Variants in FBXL7 observed in about 807,000 individuals in gnomAD.
FBXL7 encodes the protein F-box/LRR-repeat protein 7.
A neutral mutation model predicts 38.3 loss-of-function variants in FBXL7; 12 were observed. That is an observed-to-expected ratio of 0.31 (90% confidence interval 0.20 to 0.51). FBXL7 has a LOEUF of 0.51. FBXL7 is among the 20% of genes least tolerant of loss of function. The pLI is 0.98. For synonymous variants in FBXL7, 297 were observed against 300.9 expected, an observed-to-expected ratio of 0.99 and a Z score of 0.13; for missense variants, 567 against 676.4, an observed-to-expected ratio of 0.84 and a Z score of 1.79.
chr5:15,586,609 C>T (rs774618553), intron 1 of FBXL7, among the ~76,000 whole-genome samples: 4 of 152,116 alleles, frequency 2.6e-5, no homozygotes, highest in Non-Finnish European at 1.5e-5. Flanking sequence ...CAAAAAACTA[C>T]TCAGAATTCC....
intron 2 of FBXL7, among the ~76,000 whole-genome samples, chr5:15,865,590 T>C (rs1236194121): frequency 6.6e-6 from 1 of 152,120 alleles, no homozygotes; most frequent in Non-Finnish European, 1.5e-5. Flanking sequence ...CCCTCTCTCC[T>C]AATCCCTTTA....
At chr5:15,899,077 A>T (rs561900676) in intron 2 of FBXL7, among the ~76,000 whole-genome samples, 19 of 152,090 alleles carry the variant, frequency 1.2e-4, no homozygotes, top group East Asian at 3.9e-4. Flanking sequence ...ATATATATAT[A>T]TTTTTTGAGA....
chr5:15,691,186 C>G (rs1479638434), intron 2 of FBXL7, among the ~76,000 whole-genome samples: 1 of 152,170 alleles, frequency 6.6e-6, no homozygotes, highest in Non-Finnish European at 1.5e-5. Flanking sequence ...CACTGGAGTG[C>G]ACATCCCGCT....
chr5:15,536,329 G>T (rs1457281701), intron 1 of FBXL7, among the ~76,000 whole-genome samples: 2 of 152,230 alleles, frequency 1.3e-5, no homozygotes, highest in African/African-American at 4.8e-5. Context: ...CCAGACCCCA[G>T]AATGGTAGAT....
Position 15,609,710 on chromosome 5 carries a change from C to T in FBXL7, c.38-6273C>T, listed in dbSNP as rs147427565. The stretch of plus-strand genomic sequence containing the variant: ...CATGAAACCCAGGTGACTCCAGAAG[C>T]TGCAGCGAAGACTGCCCTGAGCTGG... On this transcript the variant is annotated intron_variant, in intron 1 of 3. Coordinates refer to ENST00000504595, the MANE Select transcript of FBXL7 (RefSeq NM_012304.5). Among the ~76,000 whole-genome samples, 278 of 152,296 alleles carry T rather than the reference C, an allele frequency of 1.8e-3. 2 individuals are homozygous for T. Among genetic ancestry groups the T allele is most frequent in the African/African-American group, 6.5e-3 (270 of 41,574 alleles).
chr5:15,579,103 A>G (rs1313994094), intron 1 of FBXL7, among the ~76,000 whole-genome samples: 1 of 152,204 alleles, frequency 6.6e-6, no homozygotes, highest in Non-Finnish European at 1.5e-5. Context: ...TCTTGGACTC[A>G]GTGCCTTTAG....
At chr5:15,557,352 C>T (rs1169511171) in intron 1 of FBXL7, among the ~76,000 whole-genome samples, 4 of 152,136 alleles carry the variant, frequency 2.6e-5, no homozygotes, top group Non-Finnish European at 5.9e-5. Context: ...AGAAGTGAGA[C>T]TGTAATATTA....
chr5:15,605,373 TAC>T (rs1422332693), intron 1 of FBXL7, among the ~76,000 whole-genome samples: 1 of 152,108 alleles, frequency 6.6e-6, no homozygotes, highest in African/African-American at 2.4e-5. Flanking sequence ...AAATATGGTA[TAC>T]ACACAGAGTA....
intron 2 of FBXL7, among the ~76,000 whole-genome samples, chr5:15,903,121 A>C (rs1445697811): frequency 6.6e-6 from 1 of 152,262 alleles, no homozygotes. Context: ...AGGCCATTTC[A>C]AAGTCGATAT....
intron 3 of FBXL7, among the ~76,000 whole-genome samples, chr5:15,930,474 T>C (rs1358926983): frequency 1.3e-5 from 2 of 152,242 alleles, no homozygotes; most frequent in African/African-American, 4.8e-5. Context: ...AGGCTGCAAG[T>C]AATTGTACCC....
At chr5:15,829,356 T>C (rs1466489154) in intron 2 of FBXL7, among the ~76,000 whole-genome samples, 1 of 152,170 alleles carries the variant, frequency 6.6e-6, no homozygotes, top group African/African-American at 2.4e-5. Context: ...ACTGCAAAAA[T>C]ACTATAGAAT....
chr5:15,768,479 C>T (rs1012091514), intron 2 of FBXL7, among the ~76,000 whole-genome samples: 2 of 150,694 alleles, frequency 1.3e-5, no homozygotes, highest in Admixed American at 1.3e-4. Flanking sequence ...CGCAGTGAGC[C>T]GAGATCATGC....
chr5:15,836,342 G>C (rs1738591339), intron 2 of FBXL7, among the ~76,000 whole-genome samples: 1 of 152,100 alleles, frequency 6.6e-6, no homozygotes, highest in South Asian at 2.1e-4. Context: ...TGAAAAATGA[G>C]ACAAATTATA....
At chr5:15,899,814 A>G (rs1741191822) in intron 2 of FBXL7, among the ~76,000 whole-genome samples, 1 of 152,120 alleles carries the variant, frequency 6.6e-6, no homozygotes, top group African/African-American at 2.4e-5. Flanking sequence ...AGAGCTTTCA[A>G]CAGACTTATT....
intron 2 of FBXL7, among the ~76,000 whole-genome samples, chr5:15,770,141 C>T (rs769097413): frequency 6.6e-6 from 1 of 152,086 alleles, no homozygotes; most frequent in Non-Finnish European, 1.5e-5. Context: ...CAGTATTTAG[C>T]GATTAAGTCA....
chr5:15,553,409 A>G (rs1156978665), intron 1 of FBXL7, among the ~76,000 whole-genome samples: 7 of 152,312 alleles, frequency 4.6e-5, no homozygotes, highest in Non-Finnish European at 8.8e-5. Context: ...TGTATCTTCA[A>G]CTTCTCCAGT....
chr5:15,820,630 T>C (rs995204257), intron 2 of FBXL7, among the ~76,000 whole-genome samples: 1 of 152,126 alleles, frequency 6.6e-6, no homozygotes, highest in Non-Finnish European at 1.5e-5. Flanking sequence ...CTGAGTCTTA[T>C]GTATGCTTTT....
chr5:15,693,446 G>T (rs1489255382), intron 2 of FBXL7, among the ~76,000 whole-genome samples: 1 of 152,182 alleles, frequency 6.6e-6, no homozygotes, highest in African/African-American at 2.4e-5. Flanking sequence ...CTTTTAAAAA[G>T]TGGCTTCCCT....
Position 15,882,191 on chromosome 5 carries a change from A to G in FBXL7, c.128-45699A>G, listed in dbSNP as rs925115298. Among the ~76,000 whole-genome samples, 4 of 152,236 alleles carry G rather than the reference A, an allele frequency of 2.6e-5. No individual in the cohort carries two copies. In the East Asian group the frequency reaches 5.8e-4, roughly 22 times the overall value. On this transcript the variant is annotated intron_variant, in intron 2 of 3. Coordinates refer to ENST00000504595, the MANE Select transcript of FBXL7 (RefSeq NM_012304.5). The stretch of plus-strand genomic sequence containing the variant: ...GGCCCCACCTCCAACAATGGGGATT[A>G]CATTTTAATATGAGATTTGGGCAGG...
Sources: gnomAD v4.1 joint callset for allele counts (sites outside exome capture counted in the v4.1 genomes callset) on GRCh38, gnomAD v4.1.1 for gene constraint, MANE v1.5 for transcripts, NCBI Gene and HGNC (gene_info 2026-07-23, HGNC 2026-07-21) for gene names.